Variants in ADAMTS3 observed in about 807,000 individuals in gnomAD.
The protein encoded by ADAMTS3 is ADAM metallopeptidase with thrombospondin type 1 motif 3, also known as A disintegrin and metalloproteinase with thrombospondin motifs 3.
Under a neutral mutation model 129.0 loss-of-function variants are expected in ADAMTS3, and 73 were observed. The observed-to-expected ratio is 0.57, with a 90% CI of 0.47 to 0.69. ADAMTS3 has a LOEUF of 0.69. Ranked by LOEUF, ADAMTS3 falls within the 30% of genes least tolerant of loss-of-function variation. ADAMTS3 has a pLI of 0.00. For synonymous variants in ADAMTS3, 477 were observed against 510.8 expected (o/e 0.93, Z 0.89); for missense variants, 1,457 against 1,514.5 (o/e 0.96, Z 0.63).
chr4:72,431,322 C>T (rs187490685), intron 3 of ADAMTS3, among the ~76,000 whole-genome samples: 225 of 152,036 alleles, frequency 1.5e-3, no homozygotes, highest in Non-Finnish European at 2.2e-3. Context: ...GTCACTGCCC[C>T]ATTAAAGCTA....
At chr4:72,407,461 C>T (rs184744455) in intron 4 of ADAMTS3, among the ~76,000 whole-genome samples, 125 of 151,984 alleles carry the variant, frequency 8.2e-4, no homozygotes, top group Admixed American at 3.7e-3. Context: ...TAAAACCTGA[C>T]GAAACTTGAA....
Position 72,305,967 on chromosome 4 carries a change from C to T in ADAMTS3, c.2260+20G>A, listed in dbSNP as rs753403916. On this transcript the variant is annotated intron_variant, in intron 16 of 21. Coordinates refer to ENST00000286657, the MANE Select transcript of ADAMTS3 (RefSeq NM_014243.3). ...GTTTCAGTGCATGTTAAAGCAGAGA[C>T]AGCAGACAGAAACACTTACCAAGAA... 1.9e-6 allele frequency: 3 copies of T among 1,597,376 alleles called. No individual in the cohort carries two copies. The highest frequency in any genetic ancestry group is 2.7e-5 in the African/African-American group (2 of 74,192).
At chr4:72,493,391 G>A (rs1020116846) in intron 3 of ADAMTS3, among the ~76,000 whole-genome samples, 8 of 151,590 alleles carry the variant, frequency 5.3e-5, no homozygotes, top group East Asian at 1.9e-4. Flanking sequence ...CCTATTACAC[G>A]CTTTTTCTTT....
At chr4:72,533,673 A>ATAGG (rs1721110142) in intron 3 of ADAMTS3, among the ~76,000 whole-genome samples, 1 of 151,372 alleles carries the variant, frequency 6.6e-6, no homozygotes. Context: ...GTATATGCAC[A>ATAGG]TATATGCACA....
intron 3 of ADAMTS3, among the ~76,000 whole-genome samples, chr4:72,462,891 A>T (rs892260069): frequency 1.5e-4 from 23 of 151,978 alleles, no homozygotes; most frequent in African/African-American, 5.6e-4. Context: ...GAAAATTTTT[A>T]AAATAAATTT....
chr4:72,419,234 T>C (rs1248450761), intron 3 of ADAMTS3, among the ~76,000 whole-genome samples: 1 of 152,210 alleles, frequency 6.6e-6, no homozygotes, highest in East Asian at 1.9e-4. Flanking sequence ...AAATTTATGG[T>C]TCTCTGTCTC....
At chr4:72,399,002 T>G (rs1721800916) in intron 4 of ADAMTS3, among the ~76,000 whole-genome samples, 1 of 152,240 alleles carries the variant, frequency 6.6e-6, no homozygotes, top group Non-Finnish European at 1.5e-5. Context: ...GTACAGGCCT[T>G]CTTCTATGTC....
At chr4:72,436,643 T>C (rs576682558) in intron 3 of ADAMTS3, among the ~76,000 whole-genome samples, 61 of 152,192 alleles carry the variant, frequency 4.0e-4, no homozygotes, top group Non-Finnish European at 7.2e-4. Context: ...TAAGAAAATG[T>C]GGCACACATA....
At chr4:72,474,959 G>A (rs911914547) in intron 3 of ADAMTS3, among the ~76,000 whole-genome samples, 4 of 150,516 alleles carry the variant, frequency 2.7e-5, no homozygotes, top group East Asian at 1.9e-4. Flanking sequence ...CCCGGGAGGC[G>A]GAGCTTGCAG....
At position 72,430,364 on chromosome 4, in the gene ADAMTS3, C is replaced by G. The variant is rs118108218; in HGVS notation, c.505-15393G>C. 9.5e-4 allele frequency among the ~76,000 whole-genome samples: 145 copies of G among 152,100 alleles called. 4 individuals carry two copies. The East Asian group carries it at 0.024, about 25-fold the overall frequency. On this transcript the variant is annotated intron_variant, in intron 3 of 21. Coordinates refer to ENST00000286657, the MANE Select transcript of ADAMTS3 (RefSeq NM_014243.3). ...ATGCTTCCTCTCAGAGCCCAGCAGC[C>G]ACACTGGGAGAAACCCAAACCATAT...
intron 3 of ADAMTS3, 114 bp from the exon 4 acceptor site, chr4:72,415,085 T>C (rs919981): frequency 0.69 from 517,098 of 747,416 alleles, 180,817 homozygotes; most frequent in South Asian, 0.8. Flanking sequence ...ACGCTTTTTC[T>C]TTCCACATTT....
intron 3 of ADAMTS3, among the ~76,000 whole-genome samples, chr4:72,531,038 C>A (rs1449297845): frequency 6.6e-6 from 1 of 150,986 alleles, no homozygotes; most frequent in Non-Finnish European, 1.5e-5. Flanking sequence ...TTAGAAATGC[C>A]AATGCAGCTT....
chr4:72,358,642 T>A (rs1010700254), intron 4 of ADAMTS3, among the ~76,000 whole-genome samples: 1 of 152,006 alleles, frequency 6.6e-6, no homozygotes, highest in African/African-American at 2.4e-5. Flanking sequence ...TTATCTGCCA[T>A]CTAGATTTCA....
At chr4:72,385,170 ACT>A (rs1389750612) in intron 4 of ADAMTS3, among the ~76,000 whole-genome samples, 1 of 150,572 alleles carries the variant, frequency 6.6e-6, no homozygotes, top group African/African-American at 2.5e-5. Context: ...ACAGAGTAAG[ACT>A]CTGTCTCAAA....
At chr4:72,464,458 G>C (rs1469047822) in intron 3 of ADAMTS3, among the ~76,000 whole-genome samples, 2 of 152,018 alleles carry the variant, frequency 1.3e-5, no homozygotes, top group African/African-American at 4.8e-5. Context: ...TCTTGGAGAT[G>C]TGGGGTGGGC....
chr4:72,487,447 A>AG (rs1175507935), intron 3 of ADAMTS3, among the ~76,000 whole-genome samples: 2 of 152,104 alleles, frequency 1.3e-5, no homozygotes, highest in Admixed American at 6.6e-5. Context: ...GAGTCAAAGA[A>AG]CCAATCAGCA....
chr4:72,568,562 G>T (rs1722081051), intron 1 of ADAMTS3, 132 bp downstream of exon 1: 3 of 754,728 alleles, frequency 4.0e-6, no homozygotes, highest in Non-Finnish European at 4.4e-6. Flanking sequence ...TCAAAACACC[G>T]TTTCTGAACG....
intron 4 of ADAMTS3, among the ~76,000 whole-genome samples, chr4:72,408,917 G>A (rs1049914439): frequency 2.0e-5 from 3 of 151,990 alleles, no homozygotes; most frequent in African/African-American, 7.2e-5. Context: ...GGCCGGTCGG[G>A]GGGTGGGGGC....
At chr4:72,318,065 G>A (rs1719448290) in intron 10 of ADAMTS3, among the ~76,000 whole-genome samples, 1 of 151,490 alleles carries the variant, frequency 6.6e-6, no homozygotes, top group Non-Finnish European at 1.5e-5. Flanking sequence ...TCCAGGACCT[G>A]ACCCACTGTC....
Sources: allele counts gnomAD v4.1 joint callset (sites outside exome capture counted in the v4.1 genomes callset), GRCh38; gene constraint gnomAD v4.1.1; transcripts MANE v1.5; gene names NCBI Gene and HGNC (gene_info 2026-07-23, HGNC 2026-07-21).